GALK2: variants seen among roughly 807,000 people sequenced by gnomAD.
The protein encoded by GALK2 is galactokinase 2.
GALK2 carries 36 observed loss-of-function variants against 52.4 expected under a neutral mutation model. The observed-to-expected ratio is 0.69, with a 90% CI of 0.53 to 0.91. GALK2 has a LOEUF of 0.91. Ranked by LOEUF, GALK2 falls within the 40% of genes least tolerant of loss-of-function variation. The probability of loss-of-function intolerance (pLI) is 0.00; values close to 1 mark genes in which losing one functional copy is unlikely to be tolerated. For synonymous variants in GALK2, 176 were observed against 199.1 expected (o/e 0.88, Z 0.98); for missense variants, 579 against 559.1 (o/e 1.04, Z -0.36).
At chr15:49,295,333 C>CTCTA (rs1555427368) in intron 8 of GALK2, among the ~76,000 whole-genome samples, 45 of 147,116 alleles carry the variant, frequency 3.1e-4, no homozygotes, top group South Asian at 1.3e-3. Context: ...CTCTCTCTAT[C>CTCTA]TATATATATA....
chr15:49,329,793 A>T lies in GALK2; in HGVS notation c.*1634A>T. The T allele has an allele frequency of 1.1e-6, 1 of 927,282 alleles. No homozygotes were observed. The highest frequency in any genetic ancestry group is 1.2e-4 in the East Asian group (1 of 8,530). The allele number at this position is 927,282 out of a possible 1,614,324, so 57.4% of individuals were successfully genotyped here. A position where few individuals can be genotyped will look rare whatever the true frequency, so the allele number is the denominator to read the frequency against. ...GGTTGGTATATAATTCTTTAAAGAT[A>T]CCTGGATCAGTGTAAAAAAAAAAAA... On this transcript the variant is annotated 3_prime_UTR_variant, in exon 10 of 10. Transcript: ENST00000560031.
intron 2 of GALK2, among the ~76,000 whole-genome samples, chr15:49,207,160 A>G (rs2088363380): frequency 1.3e-5 from 2 of 152,150 alleles, no homozygotes; most frequent in African/African-American, 4.8e-5. Flanking sequence ...CCTATGTTAA[A>G]CCATCCCTGC....
downstream of GALK2, chr15:49,331,898 T>C (rs765548549): frequency 8.4e-6 from 9 of 1,073,524 alleles, no homozygotes; most frequent in South Asian, 2.5e-5. Context: ...TGTCCTTATA[T>C]TGACACCATC....
intron 7 of GALK2, among the ~76,000 whole-genome samples, chr15:49,288,129 G>T (rs1185047178): frequency 6.6e-6 from 1 of 152,164 alleles, no homozygotes; most frequent in Non-Finnish European, 1.5e-5. Context: ...AGTAGCCAAG[G>T]ATCTTTAGTA....
chr15:49,248,582 G>A (rs1439650232), intron 5 of GALK2, among the ~76,000 whole-genome samples: 1 of 152,162 alleles, frequency 6.6e-6, no homozygotes, highest in Admixed American at 6.6e-5. Flanking sequence ...GTTTAAATGT[G>A]TTCTAAGTTT....
chr15:49,192,091 C>G (rs1218144294), intron 1 of GALK2, among the ~76,000 whole-genome samples: 1 of 152,066 alleles, frequency 6.6e-6, no homozygotes, highest in Admixed American at 6.6e-5. Flanking sequence ...ATGTCACTAT[C>G]ATTGAGCACT....
chr15:49,332,632 G>A (rs886851792), downstream of GALK2, among the ~76,000 whole-genome samples: 3 of 151,870 alleles, frequency 2.0e-5, no homozygotes, highest in East Asian at 1.9e-4. Context: ...GAAGAGAAAC[G>A]GAATAAAGGA....
intron 5 of GALK2, among the ~76,000 whole-genome samples, chr15:49,265,653 G>C (rs151167234): frequency 6.6e-6 from 1 of 152,328 alleles, no homozygotes; most frequent in East Asian, 1.9e-4. Context: ...GAAATCACCC[G>C]TCTTCTGCGT....
intron 9 of GALK2, among the ~76,000 whole-genome samples, chr15:49,321,924 A>G (rs77429979): frequency 0.025 from 3,869 of 152,290 alleles, 91 homozygotes; most frequent in African/African-American, 0.051. Context: ...CAGGAACGTA[A>G]TGTGTAGAGT....
intron 1 of GALK2, among the ~76,000 whole-genome samples, chr15:49,159,657 G>A (rs2084583404): frequency 6.6e-6 from 1 of 151,564 alleles, no homozygotes; most frequent in East Asian, 1.9e-4. Context: ...GTAATTACTT[G>A]AATTGACACC....
Position 49,170,339 on chromosome 15 carries a change from C to T in GALK2, c.17C>T (p.Pro6Leu). 6.3e-7 allele frequency: 1 copy of T among 1,591,738 alleles called. No individual in the cohort carries two copies. Among genetic ancestry groups the T allele is most frequent in the Non-Finnish European group, 8.6e-7 (1 of 1,169,322 alleles). MATES[P>L]ATRRVQVAEH... ...TAGCGAAATATGGCTACAGAGAGCC[C>T]TGCTACGCGTCGGGTCCAGGTGGCA... The change falls in exon 1 of 10, where the codon CCT (proline) becomes CTT (leucine). Residue 6 changes from proline (P) to leucine (L), a missense_variant. Pro to Leu is a moderately conservative substitution (Grantham distance 98). Coordinates refer to ENST00000560031, the MANE Select transcript of GALK2 (RefSeq NM_002044.4).
chr15:49,297,286 T>C (rs553294182), intron 8 of GALK2, among the ~76,000 whole-genome samples: 6 of 152,340 alleles, frequency 3.9e-5, no homozygotes, highest in African/African-American at 1.2e-4. Context: ...TATTTGTTTC[T>C]TGCTTGTTGA....
At chr15:49,365,951 C>G in intron 3 of GALK2, 1 of 893,950 alleles carries the variant, frequency 1.1e-6, no homozygotes, top group Admixed American at 1.7e-5. Context: ...ATAACATAAA[C>G]TAACCATTTG....
chr15:49,295,156 GAGA>G (rs766422192), intron 8 of GALK2, among the ~76,000 whole-genome samples: 1 of 151,736 alleles, frequency 6.6e-6, no homozygotes, highest in Non-Finnish European at 1.5e-5. Flanking sequence ...AAAGAAGAAA[GAGA>G]AGAAGGAGGG....
chr15:49,266,106 T>C (rs1208790792), intron 5 of GALK2, among the ~76,000 whole-genome samples: 3 of 152,182 alleles, frequency 2.0e-5, no homozygotes, highest in Non-Finnish European at 4.4e-5. Context: ...GCTTCTGGAT[T>C]GGCTGGCTGT....
intron 8 of GALK2, among the ~76,000 whole-genome samples, chr15:49,293,124 G>T (rs563150653): frequency 2.0e-5 from 3 of 152,302 alleles, no homozygotes; most frequent in African/African-American, 7.2e-5. Flanking sequence ...TGGGGGCAAG[G>T]ACATCTAGTT....
At chr15:49,156,924 A>G (rs1566890099) in intron 1 of GALK2, 1 of 396,050 alleles carries the variant, frequency 2.5e-6, no homozygotes, top group African/African-American at 2.1e-5. Context: ...TGCATATTAA[A>G]TTATGTTAAT....
intron 2 of GALK2, among the ~76,000 whole-genome samples, chr15:49,213,735 T>C (rs772640543): frequency 3.3e-5 from 5 of 152,166 alleles, no homozygotes; most frequent in Non-Finnish European, 4.4e-5. Context: ...ATTTATTTTC[T>C]GGTTGTTTTG....
intron 9 of GALK2, among the ~76,000 whole-genome samples, chr15:49,325,600 A>T (rs558233943): frequency 6.6e-6 from 1 of 152,274 alleles, no homozygotes; most frequent in African/African-American, 2.4e-5. Context: ...TTCTGCCTTT[A>T]TAAGTGTATA....
Sources: allele counts gnomAD v4.1 joint callset (sites outside exome capture counted in the v4.1 genomes callset), GRCh38; gene constraint gnomAD v4.1.1; transcripts MANE v1.5; gene names NCBI Gene and HGNC (gene_info 2026-07-23, HGNC 2026-07-21).